Variants in PPM1H observed in about 807,000 individuals in gnomAD.
The protein encoded by PPM1H is protein phosphatase, Mg2+/Mn2+ dependent 1H, also known as protein phosphatase 1H.
Under a neutral mutation model 54.9 loss-of-function variants are expected in PPM1H, and 27 were observed. That is an observed-to-expected ratio of 0.49 (90% CI 0.36 to 0.68). The LOEUF (loss-of-function observed/expected upper bound fraction) is 0.68. Among genes scored for constraint, PPM1H ranks in the 30% least tolerant of loss-of-function variants. PPM1H has a pLI of 0.00. For synonymous variants in PPM1H, 305 were observed against 270.8 expected (o/e 1.13, Z -1.24); for missense variants, 596 against 667.8 (o/e 0.89, Z 1.19).
chr12:62,653,870 G>A (rs1162668732), intron 9 of PPM1H, among the ~76,000 whole-genome samples: 3 of 152,088 alleles, frequency 2.0e-5, no homozygotes, highest in Non-Finnish European at 4.4e-5. Context: ...GCGACCATCA[G>A]GTGATAGTCA....
chr12:62,923,388 T>A (rs1461844252), intron 1 of PPM1H, among the ~76,000 whole-genome samples: 1 of 151,770 alleles, frequency 6.6e-6, no homozygotes, highest in Admixed American at 6.6e-5. Flanking sequence ...CATTTGAAAA[T>A]TTTTTTTTCT....
intron 8 of PPM1H, among the ~76,000 whole-genome samples, chr12:62,685,303 C>CA (rs1391082366): frequency 1.3e-5 from 2 of 152,288 alleles, no homozygotes; most frequent in Non-Finnish European, 2.9e-5. Context: ...CTCTGGCCCC[C>CA]AAGGTCCCAA....
At chr12:62,816,499 C>T (rs573574063) in intron 2 of PPM1H, among the ~76,000 whole-genome samples, 1 of 152,274 alleles carries the variant, frequency 6.6e-6, no homozygotes, top group Non-Finnish European at 1.5e-5. Flanking sequence ...GTGTAAGCTG[C>T]ATACAAAACA....
At chr12:62,657,426 A>AT (rs2075851051) in intron 9 of PPM1H, among the ~76,000 whole-genome samples, 1 of 152,170 alleles carries the variant, frequency 6.6e-6, no homozygotes, top group African/African-American at 2.4e-5. Flanking sequence ...CCTAAACAGG[A>AT]TGGGACGGTG....
At chr12:62,836,621 T>A (rs1000897925) in intron 1 of PPM1H, among the ~76,000 whole-genome samples, 1 of 152,180 alleles carries the variant, frequency 6.6e-6, no homozygotes, top group East Asian at 1.9e-4. Context: ...CTATGACTTA[T>A]TAAGATTGTG....
At chr12:62,925,038 ACT>A (rs901384911) in intron 1 of PPM1H, among the ~76,000 whole-genome samples, 2 of 151,954 alleles carry the variant, frequency 1.3e-5, no homozygotes, top group African/African-American at 2.4e-5. Flanking sequence ...GCAAGATTCG[ACT>A]CTGTCTCAAA....
intron 1 of PPM1H, among the ~76,000 whole-genome samples, chr12:62,869,392 G>T (rs1397723912): frequency 1.3e-5 from 2 of 152,126 alleles, no homozygotes; most frequent in South Asian, 4.2e-4. Context: ...ATTCAAAGGG[G>T]CATGTAATAT....
chr12:62,674,812 G>A (rs923900378), intron 8 of PPM1H, among the ~76,000 whole-genome samples: 2 of 152,238 alleles, frequency 1.3e-5, no homozygotes, highest in Non-Finnish European at 2.9e-5. Flanking sequence ...AAGGGCTGGT[G>A]TGTTTGGGCA....
At chr12:62,735,665 A>T (rs2120519597) in intron 5 of PPM1H, among the ~76,000 whole-genome samples, 1 of 152,328 alleles carries the variant, frequency 6.6e-6, no homozygotes, top group Non-Finnish European at 1.5e-5. Context: ...AGACCAGAAC[A>T]AGCAACACCA....
At chr12:62,818,227 C>A (rs1172190138) in intron 2 of PPM1H, among the ~76,000 whole-genome samples, 4 of 152,168 alleles carry the variant, frequency 2.6e-5, no homozygotes, top group African/African-American at 9.7e-5. Flanking sequence ...TTTCTCCTTC[C>A]ACAGAGAAGT....
chr12:62,698,509 C>T (rs2076125750), intron 6 of PPM1H, among the ~76,000 whole-genome samples: 1 of 152,152 alleles, frequency 6.6e-6, no homozygotes, highest in Non-Finnish European at 1.5e-5. Flanking sequence ...AGTCCCCATG[C>T]ATCCAACAAA....
intron 1 of PPM1H, among the ~76,000 whole-genome samples, chr12:62,859,997 G>C (rs953104529): frequency 1.3e-5 from 2 of 152,216 alleles, no homozygotes; most frequent in Non-Finnish European, 2.9e-5. Context: ...GGGAGGTGAA[G>C]ACGTGAGGAT....
intron 9 of PPM1H, among the ~76,000 whole-genome samples, chr12:62,663,216 C>T (rs1054751971): frequency 8.6e-5 from 13 of 151,926 alleles, no homozygotes; most frequent in Non-Finnish European, 8.8e-5. Flanking sequence ...CTAGGAGAGT[C>T]GGTTCTTGAA....
intron 8 of PPM1H, among the ~76,000 whole-genome samples, chr12:62,686,324 G>A (rs1274671270): frequency 6.6e-6 from 1 of 152,218 alleles, no homozygotes; most frequent in East Asian, 1.9e-4. Flanking sequence ...AAAAGTAAAT[G>A]TGAGAAAGGG....
intron 4 of PPM1H, among the ~76,000 whole-genome samples, chr12:62,743,495 T>C (rs1416325262): frequency 6.6e-6 from 1 of 152,196 alleles, no homozygotes; most frequent in African/African-American, 2.4e-5. Flanking sequence ...CCTCTAATGT[T>C]ATATTTTGGA....
At chr12:62,898,052 C>G (rs1182423542) in intron 1 of PPM1H, among the ~76,000 whole-genome samples, 1 of 152,206 alleles carries the variant, frequency 6.6e-6, no homozygotes, top group Non-Finnish European at 1.5e-5. Flanking sequence ...GCTTGGGGAA[C>G]AGTCACTATA....
Position 62,761,806 on chromosome 12 carries a change from G to A in PPM1H, c.870-24220C>T, listed in dbSNP as rs192109862. The stretch of plus-strand genomic sequence containing the variant: ...AGTCATTCTAGGCCACAGCACTCAT[G>A]GGGGCATGATCTGCCTTAATTTTAC... On this transcript the variant is annotated intron_variant, in intron 4 of 9. Transcript: ENST00000228705. Among the ~76,000 whole-genome samples, 78 of 152,302 alleles carry A rather than the reference G, an allele frequency of 5.1e-4. No homozygotes were observed. In the East Asian group the frequency reaches 0.01, roughly 20 times the overall value.
chr12:62,700,083 T>A (rs1235751229), intron 6 of PPM1H, among the ~76,000 whole-genome samples: 2 of 152,108 alleles, frequency 1.3e-5, no homozygotes, highest in Non-Finnish European at 2.9e-5. Flanking sequence ...CCACCAGCCT[T>A]TCAGGACATT....
chr12:62,765,584 G>A (rs1368406394), intron 4 of PPM1H, among the ~76,000 whole-genome samples: 1 of 152,220 alleles, frequency 6.6e-6, no homozygotes, highest in East Asian at 1.9e-4. Flanking sequence ...ACAAAGATAA[G>A]ATTTGATTCC....
Sources: gnomAD v4.1 joint callset for allele counts (sites outside exome capture counted in the v4.1 genomes callset) on GRCh38, gnomAD v4.1.1 for gene constraint, MANE v1.5 for transcripts, NCBI Gene and HGNC (gene_info 2026-07-23, HGNC 2026-07-21) for gene names.